Variants in ZC3H12B observed in about 807,000 individuals in gnomAD.
ZC3H12B encodes zinc finger CCCH-type containing 12B, also known as probable ribonuclease ZC3H12B.
ZC3H12B carries 7 observed loss-of-function variants against 43.9 expected under a neutral mutation model. That is an observed-to-expected ratio of 0.16 (90% CI 0.09 to 0.30). The LOEUF (loss-of-function observed/expected upper bound fraction) is 0.30. Ranked by LOEUF, ZC3H12B falls within the 10% of genes least tolerant of loss-of-function variation. ZC3H12B has a pLI of 1.00. For synonymous variants in ZC3H12B, 222 were observed against 241.7 expected, an observed-to-expected ratio of 0.92 and a Z score of 0.76; for missense variants, 475 against 670.2, an observed-to-expected ratio of 0.71 and a Z score of 3.22.
chrX:65,121,905 G>C, the ZC3H12B span, among the ~76,000 whole-genome samples: 37 of 111,472 alleles, frequency 3.3e-4, no homozygotes, highest in African/African-American at 7.8e-4. Context: ...TCCTTATGTA[G>C]TCAGTAGTCA....
intron 1 of ZC3H12B, 107 bp downstream of exon 6, chrX:65,489,516 G>A: frequency 1.0e-6 from 1 of 970,708 alleles, no homozygotes; most frequent in Non-Finnish European, 1.4e-6. Flanking sequence ...ATTGACTGTG[G>A]CGTGTGTTTC....
chrX:65,455,574 A>G (rs1300498187), intron 3 of ZC3H12B, among the ~76,000 whole-genome samples: 3 of 112,109 alleles, frequency 2.7e-5, no homozygotes, highest in Admixed American at 1.9e-4. Context: ...TCCAGGAGAA[A>G]TTCCCCAATC....
chrX:65,251,185 T>TA, the ZC3H12B span, among the ~76,000 whole-genome samples: 1 of 112,099 alleles, frequency 8.9e-6, no homozygotes, highest in Non-Finnish European at 1.9e-5. Context: ...GACCATTTAT[T>TA]AAATAGGGAA....
At chrX:65,225,563 G>A in the ZC3H12B span, among the ~76,000 whole-genome samples, 5 of 112,161 alleles carry the variant, frequency 4.5e-5, no homozygotes, top group African/African-American at 6.5e-5. Flanking sequence ...GGCTTCAGAC[G>A]ATCAAACTAC....
chrX:65,179,042 A>G, the ZC3H12B span, among the ~76,000 whole-genome samples: 3 of 112,187 alleles, frequency 2.7e-5, no homozygotes, highest in Admixed American at 1.9e-4. Flanking sequence ...GATAAAGAAA[A>G]TATGGTACAT....
At chrX:65,213,191 G>A in the ZC3H12B span, among the ~76,000 whole-genome samples, 3 of 107,996 alleles carry the variant, frequency 2.8e-5, no homozygotes, top group Admixed American at 1.0e-4. Flanking sequence ...TTTTTATTCA[G>A]CACTTAAAAA....
chrX:65,502,022 T>A (rs1358905581), exon 5 of ZC3H12B: 1 of 1,210,228 alleles, frequency 8.3e-7, no homozygotes, highest in East Asian at 3.0e-5. Context: ...CAGCATCCGG[T>A]CTGTGGCTAT....
chrX:65,159,620 G>C, the ZC3H12B span, among the ~76,000 whole-genome samples: 3 of 112,168 alleles, frequency 2.7e-5, no homozygotes, highest in Non-Finnish European at 5.6e-5. Context: ...TTTGTATCAT[G>C]AGACTTTGCT....
the ZC3H12B span, among the ~76,000 whole-genome samples, chrX:65,207,645 G>C: frequency 9.4e-6 from 1 of 106,213 alleles, no homozygotes; most frequent in African/African-American, 3.5e-5. Flanking sequence ...GCTTAGGATT[G>C]ACTTGGCAAT....
chrX:65,144,883 C>T, the ZC3H12B span, among the ~76,000 whole-genome samples: 1 of 111,511 alleles, frequency 9.0e-6, no homozygotes, highest in Non-Finnish European at 1.9e-5. Flanking sequence ...TGTTTTGTGG[C>T]CTATCATTTG....
chrX:65,280,883 A>G, the ZC3H12B span, among the ~76,000 whole-genome samples: 3 of 112,308 alleles, frequency 2.7e-5, no homozygotes, highest in Non-Finnish European at 3.8e-5. Context: ...GAAATCAAAG[A>G]TTATACAAAC....
chrX:65,211,084 G>GAAAAAAAAAAAAAAAAAAAAAA, the ZC3H12B span, among the ~76,000 whole-genome samples: 1 of 48,981 alleles, frequency 2.0e-5, no homozygotes, highest in African/African-American at 2.4e-4. Context: ...AAAAAAAAAA[G>GAAAAAAAAAAAAAAAAAAAAAA]AAAGAAAAAA....
At chrX:65,252,789 G>T in the ZC3H12B span, among the ~76,000 whole-genome samples, 1 of 111,956 alleles carries the variant, frequency 8.9e-6, no homozygotes. Flanking sequence ...ATGTGTTTGT[G>T]TTTTAGGAGA....
At chrX:65,213,253 C>G in the ZC3H12B span, among the ~76,000 whole-genome samples, 7 of 110,325 alleles carry the variant, frequency 6.3e-5, no homozygotes, top group Non-Finnish European at 7.6e-5. Flanking sequence ...GGCTTGCTCC[C>G]TAATATTTTT....
the ZC3H12B span, among the ~76,000 whole-genome samples, chrX:65,036,894 T>TATA: frequency 9.0e-6 from 1 of 110,792 alleles, no homozygotes; most frequent in African/African-American, 3.3e-5. Context: ...TAAGAGCATT[T>TATA]ACCTAGGGTG....
chrX:65,234,564 C>CA, the ZC3H12B span, among the ~76,000 whole-genome samples: 9 of 111,859 alleles, frequency 8.0e-5, no homozygotes, highest in African/African-American at 2.9e-4. Flanking sequence ...AGCAGGACGT[C>CA]AAATTATTTT....
chrX:65,250,817 T>C, the ZC3H12B span, among the ~76,000 whole-genome samples: 1 of 111,916 alleles, frequency 8.9e-6, no homozygotes, highest in African/African-American at 3.2e-5. Flanking sequence ...GTTTGAGTTC[T>C]TTGTGGATTC....
the ZC3H12B span, among the ~76,000 whole-genome samples, chrX:65,057,609 C>T: frequency 6.3e-5 from 7 of 111,184 alleles, no homozygotes; most frequent in African/African-American, 2.3e-4. Flanking sequence ...CTCTGTATTT[C>T]CTGAATTTGA....
the ZC3H12B span, among the ~76,000 whole-genome samples, chrX:65,059,547 T>G: frequency 1.8e-5 from 2 of 111,056 alleles, no homozygotes; most frequent in Non-Finnish European, 3.8e-5. Flanking sequence ...GGGATTTGAT[T>G]CTGGGTTCTC....
Sources: gnomAD v4.1 joint callset for allele counts (sites outside exome capture counted in the v4.1 genomes callset) on GRCh38, gnomAD v4.1.1 for gene constraint, MANE v1.5 for transcripts, NCBI Gene and HGNC (gene_info 2026-07-23, HGNC 2026-07-21) for gene names.